FAM149B1: variants seen among roughly 807,000 people sequenced by gnomAD.
FAM149B1 encodes primary cilium assembly protein FAM149B1.
Under a neutral mutation model 75.3 loss-of-function variants are expected in FAM149B1, and 56 were observed. That is an observed-to-expected ratio of 0.74 (90% CI 0.60 to 0.93). The LOEUF (loss-of-function observed/expected upper bound fraction) is 0.93, where lower values mean the gene tolerates loss of function less well. FAM149B1 is among the 40% of genes least tolerant of loss of function. The pLI is 0.00. For missense variants in FAM149B1, 639 were observed against 708.4 expected (o/e 0.90, Z 1.11); for synonymous variants, 259 against 256.1 (o/e 1.01, Z -0.11).
At chr10:73,184,234 CAA>C (rs1422481733) in intron 3 of FAM149B1, among the ~76,000 whole-genome samples, 2 of 151,982 alleles carry the variant, frequency 1.3e-5, no homozygotes, top group South Asian at 2.1e-4. Flanking sequence ...CTACTAGAAA[CAA>C]AGAGGGACAT....
chr10:73,213,866 G>A (rs2043242254), intron 7 of FAM149B1, among the ~76,000 whole-genome samples: 1 of 152,036 alleles, frequency 6.6e-6, no homozygotes, highest in Non-Finnish European at 1.5e-5. Context: ...AAATGGCATT[G>A]GTAATTTGAT....
intron 10 of FAM149B1, among the ~76,000 whole-genome samples, chr10:73,233,662 T>G (rs746639493): frequency 3.3e-5 from 5 of 152,240 alleles, no homozygotes; most frequent in African/African-American, 4.8e-5. Context: ...ATAATTTTAA[T>G]GAAATAGATA....
intron 3 of FAM149B1, chr10:73,192,353 C>A: frequency 1.9e-6 from 1 of 539,342 alleles, no homozygotes; most frequent in Non-Finnish European, 3.2e-6. Context: ...TCTAAATTTT[C>A]TTTAAATATG....
In FAM149B1 at chr10:73,190,497, C is replaced by CA. The variant is rs1170082343; in HGVS notation, c.283-2049dup. On this transcript the variant is annotated intron_variant, in intron 3 of 13. Coordinates refer to ENST00000242505, the MANE Select transcript of FAM149B1 (RefSeq NM_173348.2). ...TTTGGACAAATTAAAAAACAAAAAACAAAAAAAAAACCCACTCCCAGACAG... is the reference window on the plus strand; with the variant it reads ...TTTGGACAAATTAAAAAACAAAAAACAAAAAAAAAAACCCACTCCCAGACAG... Among the ~76,000 whole-genome samples the CA allele has an allele frequency of 1.9e-3, 264 of 140,656 alleles. 1 individual carries two copies. Among genetic ancestry groups the CA allele is most frequent in the African/African-American group, 4.4e-3 (168 of 38,564 alleles). The allele number at this position is 140,656 out of a possible 152,430, so 92.3% of individuals were successfully genotyped here. A position where few individuals can be genotyped will look rare whatever the true frequency, so the allele number is the denominator to read the frequency against.
At chr10:73,173,041 C>G (rs1234856783) in intron 1 of FAM149B1, among the ~76,000 whole-genome samples, 1 of 152,094 alleles carries the variant, frequency 6.6e-6, no homozygotes, top group Non-Finnish European at 1.5e-5. Context: ...ATCCCTTGAG[C>G]CCAGGAGGTC....
chr10:73,228,811 G>A (rs1381484566), intron 8 of FAM149B1, among the ~76,000 whole-genome samples: 4 of 152,030 alleles, frequency 2.6e-5, no homozygotes, highest in Non-Finnish European at 4.4e-5. Context: ...GGCCAGGCCC[G>A]TCTCGAACTC....
At chr10:73,235,454 T>G in intron 12 of FAM149B1, 136 bp downstream of exon 12, 1 of 1,451,328 alleles carries the variant, frequency 6.9e-7, no homozygotes, top group Non-Finnish European at 9.1e-7. Flanking sequence ...CAATAAAAAG[T>G]GTTATAAATA....
rs896920712 is a variant in FAM149B1 at position 73,240,438 on chromosome 10, CGT to C, written c.1676-506_1676-505del. Among the ~76,000 whole-genome samples, 129 of 152,250 alleles carry C rather than the reference CGT, an allele frequency of 8.5e-4. 1 individual carries two copies. The highest frequency in any genetic ancestry group is 1.9e-3 in the South Asian group (9 of 4,828). ...TGAAAGTCAGGTATAACTGGCTGGG[CGT>C]GGTGGCTCATGCCTGTAATCCCAGC... On this transcript the variant is annotated intron_variant, in intron 13 of 13. Transcript: ENST00000242505.
chr10:73,228,191 C>G lies in FAM149B1; in HGVS notation c.1023+7C>G. 1.3e-6 allele frequency: 2 copies of G among 1,551,516 alleles called. No homozygotes were observed. The highest frequency in any genetic ancestry group is 1.7e-6 in the Non-Finnish European group (2 of 1,146,890). ...GTACATTACCTCAAATCCGGTAAGCCCCAGAGGGATCAGTTGGAGACCCCA... is the reference window on the plus strand; with the variant it reads ...GTACATTACCTCAAATCCGGTAAGCGCCAGAGGGATCAGTTGGAGACCCCA... On this transcript the variant is annotated splice_region_variant and intron_variant, in intron 8 of 13. Coordinates refer to ENST00000242505, the MANE Select transcript of FAM149B1 (RefSeq NM_173348.2).
rs1444948929 is a variant in FAM149B1 at position 73,192,644 on chromosome 10, C to T, written c.371C>T (p.Thr124Ile). 4 of 1,551,218 alleles carry T rather than the reference C, an allele frequency of 2.6e-6. No homozygotes were observed. In the African/African-American group the frequency reaches 5.5e-5, roughly 21 times the overall value. Residue 124 changes from threonine (T) to isoleucine (I), a missense_variant, in exon 4 of 14, where the codon ACC becomes ATC. By Grantham distance (89) the Thr-to-Ile change is moderately conservative. Transcript: ENST00000242505. ...TATGAGCAGAAGTTGAGTGTGCATACCAAGAGTCTACAAGAAGAGTGCCAA... is the reference window on the plus strand; with the variant it reads ...TATGAGCAGAAGTTGAGTGTGCATATCAAGAGTCTACAAGAAGAGTGCCAA... ...LLYEQKLSVHTKSLQEECQQW... is the reference protein window; with the variant it reads ...LLYEQKLSVHIKSLQEECQQW...
chr10:73,187,391 TAAAAAAAA>T (rs773682735), intron 3 of FAM149B1, among the ~76,000 whole-genome samples: 1 of 80,996 alleles, frequency 1.2e-5, no homozygotes, highest in Non-Finnish European at 2.6e-5. Flanking sequence ...TCCAGATTAG[TAAAAAAAA>T]AAAAAAAAAA....
chr10:73,229,271 G>T (rs1254129356), intron 8 of FAM149B1, among the ~76,000 whole-genome samples: 1 of 152,146 alleles, frequency 6.6e-6, no homozygotes, highest in Admixed American at 6.5e-5. Flanking sequence ...CCAGAGAAAG[G>T]TGTTGGCATA....
Position 73,242,319 on chromosome 10 carries a change from C to G in FAM149B1, c.*1300C>G, listed in dbSNP as rs780518104. 14 of 152,166 alleles carry G rather than the reference C, an allele frequency of 9.2e-5. No individual in the cohort carries two copies. The highest frequency in any genetic ancestry group is 1.3e-4 in the Non-Finnish European group (9 of 68,028). 9.4% of individuals were successfully genotyped at this position (152,166 alleles called of 1,614,324 possible). ...AATTCCATATATTCTCATACCAACT[C>G]ATCTACATAGAAATGAAAATCTCTA... is the stretch of plus-strand genomic sequence containing the variant. On this transcript the variant is annotated 3_prime_UTR_variant, in exon 14 of 14. Coordinates refer to ENST00000242505, the MANE Select transcript of FAM149B1 (RefSeq NM_173348.2).
chr10:73,201,848 T>C (rs1423572675), intron 5 of FAM149B1, among the ~76,000 whole-genome samples: 1 of 150,372 alleles, frequency 6.7e-6, no homozygotes, highest in African/African-American at 2.5e-5. Flanking sequence ...TTAAATAAAC[T>C]GTATATTCAC....
Position 73,174,785 on chromosome 10 carries a change from C to G in FAM149B1, c.146C>G (p.Ser49Cys). 1 of 1,543,642 alleles carries G rather than the reference C, an allele frequency of 6.5e-7. No individual in the cohort carries two copies. Among genetic ancestry groups the G allele is most frequent in the Non-Finnish European group, 8.8e-7 (1 of 1,139,648 alleles). The change falls in exon 2 of 14, where the codon TCC becomes TGC. Residue 49 changes from serine to cysteine, a missense_variant. By Grantham distance (112) the Ser-to-Cys change is moderately radical. Transcript: ENST00000242505. ...GACAGTCATGAGAAAGACACAAGTT[C>G]CCAAAGGTAATAACACAAAGTGTAC... ...TSDSHEKDTS[S>C]QSKSDITRES...
chr10:73,229,458 C>T (rs79695688), intron 8 of FAM149B1, among the ~76,000 whole-genome samples: 6 of 152,170 alleles, frequency 3.9e-5, no homozygotes, highest in African/African-American at 1.4e-4. Flanking sequence ...ACCTGTAGTG[C>T]CAGCTACTCT....
At chr10:73,209,515 GCA>G (rs1348700482) in intron 6 of FAM149B1, among the ~76,000 whole-genome samples, 2 of 152,084 alleles carry the variant, frequency 1.3e-5, no homozygotes, top group Non-Finnish European at 2.9e-5. Flanking sequence ...CTTATGGTTG[GCA>G]CAGATTTTAT....
intron 2 of FAM149B1, among the ~76,000 whole-genome samples, chr10:73,176,661 G>C (rs1019883195): frequency 2.6e-5 from 4 of 152,106 alleles, no homozygotes; most frequent in Non-Finnish European, 5.9e-5. Context: ...CAAGACAGGT[G>C]GATCACTTGA....
At chr10:73,206,918 AAAAC>A (rs147394652) in intron 5 of FAM149B1, among the ~76,000 whole-genome samples, 23,296 of 151,144 alleles carry the variant, frequency 0.15, 2,841 homozygotes, top group African/African-American at 0.32. Context: ...CTGTCTCAAA[AAAAC>A]AAACAAACAA....
Sources: allele counts gnomAD v4.1 joint callset (sites outside exome capture counted in the v4.1 genomes callset), GRCh38; gene constraint gnomAD v4.1.1; transcripts MANE v1.5; gene names NCBI Gene and HGNC (gene_info 2026-07-23, HGNC 2026-07-21).